Variants in SLIT3 observed in about 807,000 individuals in gnomAD.
SLIT3 encodes slit homolog 3 protein.
SLIT3 carries 68 observed loss-of-function variants against 184.0 expected under a neutral mutation model. The observed-to-expected ratio is 0.37, with a 90% CI of 0.30 to 0.45. The LOEUF (loss-of-function observed/expected upper bound fraction) is 0.45. Ranked by LOEUF, SLIT3 falls within the 20% of genes least tolerant of loss-of-function variation. The pLI is 1.00. For synonymous variants in SLIT3, 831 were observed against 828.6 expected, an observed-to-expected ratio of 1.00 and a Z score of -0.05; for missense variants, 1,707 against 2,026.0, an observed-to-expected ratio of 0.84 and a Z score of 3.02.
At chr5:168,823,951 T>C (rs900360577) in intron 6 of SLIT3, among the ~76,000 whole-genome samples, 2 of 152,166 alleles carry the variant, frequency 1.3e-5, no homozygotes, top group Non-Finnish European at 2.9e-5. Context: ...TCAGCACATC[T>C]AATCTTTTTA....
intron 4 of SLIT3, among the ~76,000 whole-genome samples, chr5:169,063,604 C>G (rs915447644): frequency 3.3e-5 from 5 of 152,172 alleles, no homozygotes; most frequent in African/African-American, 1.2e-4. Context: ...GACTTCCTCC[C>G]GTGTGCGTGA....
chr5:169,129,942 G>A lies in SLIT3; in HGVS notation c.413+63537C>T, dbSNP rs534973502. 2.6e-5 allele frequency among the ~76,000 whole-genome samples: 4 copies of A among 152,158 alleles called. No individual in the cohort carries two copies. In the South Asian group the frequency reaches 8.3e-4, roughly 32 times the overall value. ...CGGCTCACTGCAACCTCCACCTCCTGGGTTCGAGCGATTCTCCTGCCTCAG... is the reference window on the plus strand; with the variant it reads ...CGGCTCACTGCAACCTCCACCTCCTAGGTTCGAGCGATTCTCCTGCCTCAG... On this transcript the variant is annotated intron_variant, in intron 4 of 35. Coordinates refer to ENST00000519560, the MANE Select transcript of SLIT3 (RefSeq NM_003062.4).
chr5:168,856,809 G>GCGCGCGCGCACGCGCGCGCA (rs1554149489), intron 5 of SLIT3, among the ~76,000 whole-genome samples: 2 of 145,412 alleles, frequency 1.4e-5, no homozygotes, highest in Non-Finnish European at 3.1e-5. Flanking sequence ...GTGTGTGTGC[G>GCGCGCGCGCACGCGCGCGCA]CGCGCGCGCA....
At position 168,663,556 on chromosome 5, in the gene SLIT3, C is replaced by T. The variant is rs1246195192; in HGVS notation, c.*2898G>A. Reference sequence around the variant, plus strand: ...TTGTCTTGCTCTTCCCTTCCTCAAACAACCCTGCTGGCACCTGTGGCCCAG... The same window carrying T: ...TTGTCTTGCTCTTCCCTTCCTCAAATAACCCTGCTGGCACCTGTGGCCCAG... On this transcript the variant is annotated 3_prime_UTR_variant, in exon 36 of 36. Transcript: ENST00000519560. 6.6e-6 allele frequency: 1 copy of T among 152,348 alleles called. No individual in the cohort carries two copies. The highest frequency in any genetic ancestry group is 1.5e-5 in the Non-Finnish European group (1 of 68,152). 9.4% of individuals were successfully genotyped at this position (152,348 alleles called of 1,614,324 possible).
intron 4 of SLIT3, among the ~76,000 whole-genome samples, chr5:169,008,282 T>C (rs1756004137): frequency 6.6e-6 from 1 of 152,212 alleles, no homozygotes; most frequent in South Asian, 2.1e-4. Flanking sequence ...ATGATTCCTG[T>C]GGGCAGTCAT....
chr5:168,883,710 C>T (rs1396070774), intron 4 of SLIT3, among the ~76,000 whole-genome samples: 15 of 151,600 alleles, frequency 9.9e-5, no homozygotes, highest in African/African-American at 3.6e-4. Flanking sequence ...GCATTCCTCC[C>T]CCACTGTGGG....
intron 12 of SLIT3, among the ~76,000 whole-genome samples, chr5:168,784,741 C>A (rs1240665595): frequency 1.3e-5 from 2 of 152,146 alleles, no homozygotes; most frequent in Non-Finnish European, 2.9e-5. Context: ...GCCTGCCACC[C>A]CTTTAGAGCC....
At chr5:168,968,332 C>A (rs9791014) in intron 4 of SLIT3, among the ~76,000 whole-genome samples, 6,032 of 152,258 alleles carry the variant, frequency 0.04, 157 homozygotes, top group Middle Eastern at 0.065. Flanking sequence ...ATTCAAGCTC[C>A]TTCTCTTCCC....
At chr5:168,971,385 C>G (rs1754570883) in intron 4 of SLIT3, among the ~76,000 whole-genome samples, 1 of 152,200 alleles carries the variant, frequency 6.6e-6, no homozygotes, top group Non-Finnish European at 1.5e-5. Flanking sequence ...CTGCACCATG[C>G]AGGGACCAGA....
chr5:168,923,710 G>T (rs1384469520), intron 4 of SLIT3, among the ~76,000 whole-genome samples: 2 of 152,092 alleles, frequency 1.3e-5, no homozygotes, highest in Non-Finnish European at 2.9e-5. Context: ...TACAGACTGG[G>T]TTTCACCATG....
At chr5:169,117,883 G>A (rs1332205762) in intron 4 of SLIT3, among the ~76,000 whole-genome samples, 3 of 152,212 alleles carry the variant, frequency 2.0e-5, no homozygotes, top group Non-Finnish European at 4.4e-5. Context: ...CCCAAGAACA[G>A]GCCACAGCGC....
At chr5:168,739,530 C>G (rs1305324416) in intron 20 of SLIT3, among the ~76,000 whole-genome samples, 2 of 151,422 alleles carry the variant, frequency 1.3e-5, no homozygotes, top group Non-Finnish European at 2.9e-5. Flanking sequence ...TCAAGTGATT[C>G]TCCTGCCTCA....
At chr5:168,787,024 C>T (rs900458007) in intron 11 of SLIT3, among the ~76,000 whole-genome samples, 10 of 152,248 alleles carry the variant, frequency 6.6e-5, no homozygotes, top group African/African-American at 1.2e-4. Flanking sequence ...TATTAGGATG[C>T]GGAAATGGTA....
At chr5:169,189,679 CTG>C (rs1230999814) in intron 4 of SLIT3, among the ~76,000 whole-genome samples, 1 of 151,192 alleles carries the variant, frequency 6.6e-6, no homozygotes, top group Non-Finnish European at 1.5e-5. Context: ...AATGCAGACT[CTG>C]GAGTCAGGTT....
At chr5:168,884,103 G>GT (rs112909444) in intron 4 of SLIT3, among the ~76,000 whole-genome samples, 2,444 of 140,948 alleles carry the variant, frequency 0.017, 39 homozygotes, top group African/African-American at 0.039. Context: ...GATATGGGCT[G>GT]TTTTTTTTTT....
intron 4 of SLIT3, among the ~76,000 whole-genome samples, chr5:169,156,813 G>A (rs528970554): frequency 1.3e-5 from 2 of 152,296 alleles, no homozygotes; most frequent in East Asian, 3.9e-4. Context: ...TGAATTTAAA[G>A]CCTTGAGCAT....
intron 9 of SLIT3, among the ~76,000 whole-genome samples, chr5:168,801,452 C>T (rs1200422148): frequency 6.6e-6 from 1 of 152,186 alleles, no homozygotes; most frequent in Non-Finnish European, 1.5e-5. Context: ...GGCTATTTCC[C>T]CTGCCAGATG....
At chr5:169,249,329 T>C (rs1765698028) in intron 2 of SLIT3, among the ~76,000 whole-genome samples, 1 of 152,116 alleles carries the variant, frequency 6.6e-6, no homozygotes, top group Non-Finnish European at 1.5e-5. Flanking sequence ...CTTTTTGGCA[T>C]TGCTTATCAA....
chr5:169,095,017 C>T (rs1248064336), intron 4 of SLIT3, among the ~76,000 whole-genome samples: 1 of 152,124 alleles, frequency 6.6e-6, no homozygotes, highest in African/African-American at 2.4e-5. Flanking sequence ...ACCACAGGGA[C>T]CAGGAGGAGG....
Sources: gnomAD v4.1 joint callset for allele counts (sites outside exome capture counted in the v4.1 genomes callset) on GRCh38, gnomAD v4.1.1 for gene constraint, MANE v1.5 for transcripts, NCBI Gene and HGNC (gene_info 2026-07-23, HGNC 2026-07-21) for gene names.